PRMT8: variants seen among roughly 807,000 people sequenced by gnomAD.
The protein encoded by PRMT8 is protein arginine N-methyltransferase 8.
In PRMT8, 7 loss-of-function variants were observed where a neutral mutation model predicts 47.1. That is an observed-to-expected ratio of 0.15 (90% CI 0.08 to 0.28). The LOEUF (loss-of-function observed/expected upper bound fraction) is 0.28. Ranked by LOEUF, PRMT8 falls within the 10% of genes least tolerant of loss-of-function variation. PRMT8 has a pLI of 1.00. For missense variants in PRMT8, 237 were observed against 505.4 expected (o/e 0.47, Z 5.09); for synonymous variants, 188 against 186.5 (o/e 1.01, Z -0.07).
intron 1 of PRMT8, among the ~76,000 whole-genome samples, chr12:3,539,874 G>T (rs1427473633): frequency 6.6e-6 from 1 of 152,152 alleles, no homozygotes; most frequent in Non-Finnish European, 1.5e-5. Flanking sequence ...AGAAACTAGG[G>T]GGCAAGACAA....
At chr12:3,516,902 C>T (rs1358690528) in intron 1 of PRMT8, among the ~76,000 whole-genome samples, 3 of 152,008 alleles carry the variant, frequency 2.0e-5, no homozygotes, top group African/African-American at 7.3e-5. Flanking sequence ...CCATTCTTAT[C>T]AGCCTGCCCA....
rs1431688980 is a variant in PRMT8, at chr12:3,552,507, G to A, written c.418-1144G>A. On this transcript the variant is annotated intron_variant, in intron 3 of 9. Coordinates refer to ENST00000382622, the MANE Select transcript of PRMT8 (RefSeq NM_019854.5). The surrounding 1 kb of genome is among the most constrained non-coding windows in gnomAD (Gnocchi z 4.5). ...ATGCTCCTCATCACTCAACATGGTC[G>A]CCTCTTGCAGATCAGATGATGACAT... The A allele has an allele frequency of 9.9e-6, 3 of 303,436 alleles. No individual in the cohort carries two copies. Among genetic ancestry groups the A allele is most frequent in the East Asian group, 9.0e-5 (1 of 11,062 alleles). The allele number at this position is 303,436 out of a possible 1,614,324, so 18.8% of individuals were successfully genotyped here. A position where few individuals can be genotyped will look rare whatever the true frequency, so the allele number is the denominator to read the frequency against.
intron 1 of PRMT8, among the ~76,000 whole-genome samples, chr12:3,496,666 G>A (rs1865514936): frequency 6.6e-6 from 1 of 151,994 alleles, no homozygotes; most frequent in Non-Finnish European, 1.5e-5. Flanking sequence ...AGATGAAAAG[G>A]GTTAATTTAT....
At chr12:3,523,809 C>T (rs545220444) in intron 1 of PRMT8, among the ~76,000 whole-genome samples, 2 of 152,308 alleles carry the variant, frequency 1.3e-5, no homozygotes, top group Admixed American at 1.3e-4. Context: ...TCCTGCCTTA[C>T]GAAGGTCAAG....
In PRMT8 at chr12:3,520,110, C is replaced by A. The variant is rs368807457; in HGVS notation, c.76-20496C>A. 3.0e-3 allele frequency among the ~76,000 whole-genome samples: 463 copies of A among 152,238 alleles called. 4 individuals are homozygous for A. Among genetic ancestry groups the A allele is most frequent in the African/African-American group, 0.011 (442 of 41,526 alleles). ...AGGCTGGGCCAGGGGAGGATCCTTG[C>A]AGCTGAGGAGGAGGAAAAGCCACTG... On this transcript the variant is annotated intron_variant, in intron 1 of 9. Coordinates refer to ENST00000382622, the MANE Select transcript of PRMT8 (RefSeq NM_019854.5).
At chr12:3,430,422 G>C (rs529695052) in intron 1 of PRMT8, among the ~76,000 whole-genome samples, 1 of 152,174 alleles carries the variant, frequency 6.6e-6, no homozygotes, top group South Asian at 2.1e-4. Flanking sequence ...ATGAGGGGTG[G>C]TCTCCTCCCT....
upstream of PRMT8, among the ~76,000 whole-genome samples, chr12:3,487,702 C>T (rs1865335619): frequency 6.6e-6 from 1 of 152,196 alleles, no homozygotes; most frequent in Non-Finnish European, 1.5e-5. Context: ...TCATCCCAAC[C>T]ATCAACACAG....
At chr12:3,420,558 C>G (rs1308613066) in intron 1 of PRMT8, among the ~76,000 whole-genome samples, 2 of 152,142 alleles carry the variant, frequency 1.3e-5, no homozygotes, top group Admixed American at 6.5e-5. Flanking sequence ...ATGTCTAGGT[C>G]TTTGCAACTT....
In PRMT8 at chr12:3,529,849, A is replaced by T. The variant is rs61666647; in HGVS notation, c.76-10757A>T. On this transcript the variant is annotated intron_variant, in intron 1 of 9. Coordinates refer to ENST00000382622, the MANE Select transcript of PRMT8 (RefSeq NM_019854.5). ...CCTGGATCCTCACCAGTTATGCTCT[A>T]TGGGCTGAATCAGTCAGTCAGCGTC... Among the ~76,000 whole-genome samples, 198 of 152,280 alleles carry T rather than the reference A, an allele frequency of 1.3e-3. 1 individual carries two copies. Among genetic ancestry groups the T allele is most frequent in the African/African-American group, 4.7e-3 (194 of 41,542 alleles).
rs1422159092 is a variant in PRMT8, at chr12:3,592,211, C to G, written c.980-20C>G. 1.3e-6 allele frequency: 2 copies of G among 1,549,788 alleles called. No individual in the cohort carries two copies. The highest frequency in any genetic ancestry group is 1.7e-6 in the Non-Finnish European group (2 of 1,156,244). On this transcript the variant is annotated intron_variant, in intron 8 of 9. Coordinates refer to ENST00000382622, the MANE Select transcript of PRMT8 (RefSeq NM_019854.5). ...TCTCTGACTCTTTCTTCCCACCTCCCCTGTTCTCTCACCCCTCAGCCCCTG... is the reference window on the plus strand; with the variant it reads ...TCTCTGACTCTTTCTTCCCACCTCCGCTGTTCTCTCACCCCTCAGCCCCTG...
rs1264412861 is a variant in PRMT8 at position 3,564,443 on chromosome 12, A to G, written c.482-4263A>G. 6.6e-6 allele frequency among the ~76,000 whole-genome samples: 1 copy of G among 152,250 alleles called. No individual in the cohort carries two copies. The highest frequency in any genetic ancestry group is 1.5e-5 in the Non-Finnish European group (1 of 68,042). ...TAATGAGAATGACTAGATTTCTGTA[A>G]GAACCACTCAAACCAAAAAGAAAAA... On this transcript the variant is annotated intron_variant, in intron 4 of 9. Transcript: ENST00000382622. The surrounding 1 kb of genome is among the most constrained non-coding windows in gnomAD (Gnocchi z 4.0).
At position 3,568,779 on chromosome 12, in the gene PRMT8, G is replaced by A; in HGVS notation, c.555G>A (p.Glu185=). ...AGAAGGTGGACATCATCATCAGCGA[G>A]TGGATGGGCTACTGTCTGTTCTATG... ...PVEKVDIIIS[E]WMGYCLFYES... The change falls in exon 5 of 10, where the codon GAG becomes GAA. Residue 185 remains glutamate (E), a synonymous_variant. Coordinates refer to ENST00000382622, the MANE Select transcript of PRMT8 (RefSeq NM_019854.5). 6.2e-7 allele frequency: 1 copy of A among 1,614,204 alleles called. No homozygotes were observed. The highest frequency in any genetic ancestry group is 8.5e-7 in the Non-Finnish European group (1 of 1,180,026).
intron 1 of PRMT8, among the ~76,000 whole-genome samples, chr12:3,399,008 G>A (rs1864292134): frequency 6.6e-6 from 1 of 152,202 alleles, no homozygotes; most frequent in Admixed American, 6.5e-5. Context: ...TCCCAGGCTG[G>A]AGGTTAAGGT....
intron 7 of PRMT8, among the ~76,000 whole-genome samples, chr12:3,581,418 C>T (rs189276212): frequency 5.9e-5 from 9 of 152,224 alleles, no homozygotes; most frequent in South Asian, 2.1e-4. Flanking sequence ...GATGCCAGGA[C>T]GTGGACTGAT....
At chr12:3,525,251 G>A (rs959359644) in intron 1 of PRMT8, among the ~76,000 whole-genome samples, 32 of 152,136 alleles carry the variant, frequency 2.1e-4, no homozygotes, top group African/African-American at 7.0e-4. Flanking sequence ...CAAATATAAG[G>A]GAAACAGCTG....
At chr12:3,537,938 C>G (rs189239041) in intron 1 of PRMT8, among the ~76,000 whole-genome samples, 3 of 152,268 alleles carry the variant, frequency 2.0e-5, no homozygotes, top group African/African-American at 2.4e-5. Flanking sequence ...AAAGAGGAGC[C>G]CAAACACAGA....
intron 1 of PRMT8, among the ~76,000 whole-genome samples, chr12:3,459,639 T>C (rs1426307461): frequency 2.0e-5 from 3 of 152,158 alleles, no homozygotes; most frequent in Admixed American, 6.5e-5. Context: ...GCAGCTAACA[T>C]CTAAAGCGGA....
At chr12:3,485,815 A>C (rs1183489185) in intron 1 of PRMT8, among the ~76,000 whole-genome samples, 3 of 152,190 alleles carry the variant, frequency 2.0e-5, no homozygotes, top group Non-Finnish European at 4.4e-5. Context: ...TAAAATGTTA[A>C]TATTACCTTA....
chr12:3,592,167 C>T, intron 8 of PRMT8, 64 bp from the exon 9 acceptor site: 1 of 1,504,230 alleles, frequency 6.6e-7, no homozygotes, highest in African/African-American at 1.4e-5. Flanking sequence ...GTCCCAGCCT[C>T]ATCCCTTTGG....
Sources: allele counts gnomAD v4.1 joint callset (sites outside exome capture counted in the v4.1 genomes callset), GRCh38; gene constraint gnomAD v4.1.1; non-coding constraint Gnocchi (gnomAD v3.1); transcripts MANE v1.5; gene names NCBI Gene and HGNC (gene_info 2026-07-23, HGNC 2026-07-21).